EYA2: variants seen among roughly 807,000 people sequenced by gnomAD.
The protein encoded by EYA2 is protein phosphatase EYA2.
A neutral mutation model predicts 69.2 loss-of-function variants in EYA2; 31 were observed. The observed-to-expected ratio is 0.45, with a 90% confidence interval of 0.34 to 0.60. EYA2 has a LOEUF of 0.60. EYA2 is among the 20% of genes least tolerant of loss of function. The probability of loss-of-function intolerance (pLI) is 0.02; values close to 1 mark genes in which losing one functional copy is unlikely to be tolerated. For synonymous variants in EYA2, 257 were observed against 279.4 expected, an observed-to-expected ratio of 0.92 and a Z score of 0.80; for missense variants, 622 against 701.2, an observed-to-expected ratio of 0.89 and a Z score of 1.28.
At chr20:47,179,569 G>C (rs935749414) in intron 12 of EYA2, among the ~76,000 whole-genome samples, 3 of 151,896 alleles carry the variant, frequency 2.0e-5, no homozygotes, top group Non-Finnish European at 4.4e-5. Context: ...TGGATGGATG[G>C]ATGAATGGAA....
chr20:46,989,006 A>G (rs1464507513), intron 1 of EYA2, among the ~76,000 whole-genome samples: 3 of 152,036 alleles, frequency 2.0e-5, no homozygotes, highest in African/African-American at 4.8e-5. Flanking sequence ...ATGCCTGGCC[A>G]GAATTTAGAA....
At chr20:47,183,261 G>GT (rs752495666) in intron 14 of EYA2, 30 bp from the exon 15 acceptor site, 9 of 1,609,922 alleles carry the variant, frequency 5.6e-6, no homozygotes, top group Admixed American at 1.7e-5. Flanking sequence ...CTCACAGAGC[G>GT]TTTTTTCTTT....
At chr20:47,110,131 T>G (rs1331133481) in intron 9 of EYA2, among the ~76,000 whole-genome samples, 1 of 152,208 alleles carries the variant, frequency 6.6e-6, no homozygotes, top group Non-Finnish European at 1.5e-5. Flanking sequence ...AGCTGCTCCC[T>G]TTATACTCAT....
chr20:46,978,279 T>C lies in EYA2; in HGVS notation c.-10-11722T>C, dbSNP rs1980586833. 1.1e-5 allele frequency: 3 copies of C among 276,664 alleles called. No individual in the cohort carries two copies. The South Asian group carries it at 1.1e-4, about 11-fold the overall frequency. 17.1% of individuals were successfully genotyped at this position (276,664 alleles called of 1,614,324 possible). Reference sequence around the variant, plus strand: ...GTGGACTGAGAGTCATGGGGAGACCTAGGGAAATTAAATAACTCACAAACA... The same window carrying C: ...GTGGACTGAGAGTCATGGGGAGACCCAGGGAAATTAAATAACTCACAAACA... On this transcript the variant is annotated intron_variant, in intron 1 of 15. Transcript: ENST00000327619.
chr20:47,026,771 G>A (rs1600651085), intron 5 of EYA2, among the ~76,000 whole-genome samples: 1 of 152,188 alleles, frequency 6.6e-6, no homozygotes, highest in Non-Finnish European at 1.5e-5. Context: ...CCCCACCAAC[G>A]CTGGGGATAG....
chr20:47,169,129 T>A lies in EYA2; in HGVS notation c.979-10T>A. 6.2e-7 allele frequency: 1 copy of A among 1,612,900 alleles called. No homozygotes were observed. The highest frequency in any genetic ancestry group is 8.5e-7 in the Non-Finnish European group (1 of 1,179,286). ...TCTCTCTCTCTCTCTCTCTGTCAAA[T>A]TTTCCATAGGATTGTGACCAGATCC... is the stretch of plus-strand genomic sequence containing the variant. On this transcript the variant is annotated splice_polypyrimidine_tract_variant and intron_variant, in intron 10 of 15. Coordinates refer to ENST00000327619, the MANE Select transcript of EYA2 (RefSeq NM_005244.5).
intron 5 of EYA2, among the ~76,000 whole-genome samples, chr20:47,037,285 G>T (rs1356229585): frequency 6.6e-6 from 1 of 152,120 alleles, no homozygotes; most frequent in Non-Finnish European, 1.5e-5. Context: ...GATTTGGGTG[G>T]GGACACAAAG....
chr20:46,989,111 G>A (rs898549040), intron 1 of EYA2, among the ~76,000 whole-genome samples: 2 of 151,974 alleles, frequency 1.3e-5, no homozygotes, highest in Non-Finnish European at 1.5e-5. Context: ...TCCCCTGCCC[G>A]CCCCCCATAA....
chr20:47,080,282 T>C (rs908783238), intron 7 of EYA2, among the ~76,000 whole-genome samples: 2 of 151,958 alleles, frequency 1.3e-5, no homozygotes, highest in Non-Finnish European at 2.9e-5. Context: ...AAAAAGCACT[T>C]GGAACTGAAT....
At chr20:46,963,285 C>T (rs1979581739) in intron 1 of EYA2, among the ~76,000 whole-genome samples, 1 of 152,222 alleles carries the variant, frequency 6.6e-6, no homozygotes, top group African/African-American at 2.4e-5. Flanking sequence ...TCTTATCCCT[C>T]CTGCAGGCAA....
rs565281304 is a variant in EYA2, at chr20:47,050,614, G to T, written c.416-21571G>T. ...TTTATAAGCAATGTGAGGTTTTTAA[G>T]GAAAGGAGTGAATTATAGCTGTTAG... On this transcript the variant is annotated intron_variant, in intron 5 of 15. Transcript: ENST00000327619. Among the ~76,000 whole-genome samples, 19 of 152,352 alleles carry T rather than the reference G, an allele frequency of 1.2e-4. No homozygotes were observed. In the South Asian group the frequency reaches 3.7e-3, roughly 30 times the overall value.
intron 1 of EYA2, among the ~76,000 whole-genome samples, chr20:46,976,808 C>T (rs1269447164): frequency 6.6e-6 from 1 of 152,280 alleles, no homozygotes; most frequent in Non-Finnish European, 1.5e-5. Flanking sequence ...GACATGCAAA[C>T]GGGTTTTTCA....
At chr20:47,145,140 C>G (rs562883385) in intron 10 of EYA2, among the ~76,000 whole-genome samples, 1 of 151,732 alleles carries the variant, frequency 6.6e-6, no homozygotes, top group South Asian at 2.1e-4. Context: ...AATCCATAAA[C>G]AAGACCATTT....
intron 13 of EYA2, among the ~76,000 whole-genome samples, chr20:47,180,315 G>A (rs1424864155): frequency 6.6e-6 from 1 of 152,168 alleles, no homozygotes; most frequent in African/African-American, 2.4e-5. Flanking sequence ...GCAGGTGTGA[G>A]CCACCACTCC....
intron 4 of EYA2, among the ~76,000 whole-genome samples, chr20:47,009,559 C>A (rs1982932539): frequency 6.6e-6 from 1 of 152,202 alleles, no homozygotes; most frequent in Admixed American, 6.5e-5. Context: ...GCTTTCCTTT[C>A]CTCTCAAAGA....
At chr20:47,081,898 G>A (rs999307059) in intron 7 of EYA2, among the ~76,000 whole-genome samples, 3 of 151,798 alleles carry the variant, frequency 2.0e-5, no homozygotes, top group Non-Finnish European at 4.4e-5. Flanking sequence ...GGAGTGCGAT[G>A]GTGTGACCTT....
Position 47,005,014 on chromosome 20 carries a change from G to A in EYA2, c.228G>A (p.Ala76=), listed in dbSNP as rs778528853. The A allele has an allele frequency of 2.2e-5, 35 of 1,613,904 alleles. No individual in the cohort carries two copies. In the East Asian group the frequency reaches 3.6e-4, roughly 16 times the overall value. The change falls in exon 4 of 16, where the codon GCG becomes GCA. Residue 76 remains alanine, a synonymous_variant. Transcript: ENST00000327619. ...CCTACGGCCAGACGCAGTACAGTGC[G>A]GGGATCCAGCAGGCTACCCCCTATA... ...MAAYGQTQYS[A]GIQQATPYTA...
chr20:46,944,275 C>T (rs1008328493), intron 1 of EYA2, among the ~76,000 whole-genome samples: 2 of 152,306 alleles, frequency 1.3e-5, no homozygotes, highest in Middle Eastern at 3.4e-3. Context: ...GAGACAATTG[C>T]AAGGGTCAGG....
intron 1 of EYA2, among the ~76,000 whole-genome samples, chr20:46,965,751 C>G: frequency 6.6e-6 from 1 of 152,362 alleles, no homozygotes; most frequent in South Asian, 2.1e-4. Flanking sequence ...CCTTGGCTCC[C>G]GTCCGCCGGG....
Sources: allele counts gnomAD v4.1 joint callset (sites outside exome capture counted in the v4.1 genomes callset), GRCh38; gene constraint gnomAD v4.1.1; transcripts MANE v1.5; gene names NCBI Gene and HGNC (gene_info 2026-07-23, HGNC 2026-07-21).